The following NAALADL2 variants were observed in gnomAD, a reference collection of about 807,000 sequenced individuals.
NAALADL2 encodes N-acetylated alpha-linked acidic dipeptidase like 2.
A neutral mutation model predicts 87.2 loss-of-function variants in NAALADL2; 76 were observed. That is an observed-to-expected ratio of 0.87 (90% CI 0.72 to 1.05). The LOEUF (loss-of-function observed/expected upper bound fraction) is 1.05. Ranked by LOEUF, NAALADL2 falls within the 50% of genes least tolerant of loss-of-function variation. The pLI, the probability that NAALADL2 is intolerant of heterozygous loss-of-function variation, is 0.00. For missense variants in NAALADL2, 1,089 were observed against 945.8 expected (o/e 1.15, Z -1.99); for synonymous variants, 354 against 331.0 (o/e 1.07, Z -0.75).
chr3:175,591,926 A>C (rs1721542467), intron 10 of NAALADL2, among the ~76,000 whole-genome samples: 1 of 151,710 alleles, frequency 6.6e-6, no homozygotes, highest in Admixed American at 6.6e-5. Flanking sequence ...CCTCAAGAGT[A>C]ATATAGTGGA....
Position 175,327,471 on chromosome 3 carries a change from C to G in NAALADL2, c.1090+3146C>G, listed in dbSNP as rs550438931. On this transcript the variant is annotated intron_variant, in intron 5 of 13. Transcript: ENST00000454872. ...CACCCTGCCTCAACTGTCTGCATTTCTACCATTTTTGTTTTTTTATATGTA... is the reference window on the plus strand; with the variant it reads ...CACCCTGCCTCAACTGTCTGCATTTGTACCATTTTTGTTTTTTTATATGTA... 1.4e-4 allele frequency among the ~76,000 whole-genome samples: 22 copies of G among 152,134 alleles called. 1 individual carries two copies. In the South Asian group the frequency reaches 3.9e-3, roughly 27 times the overall value.
chr3:175,333,662 G>A (rs969381633), intron 5 of NAALADL2, among the ~76,000 whole-genome samples: 1 of 152,010 alleles, frequency 6.6e-6, no homozygotes, highest in Admixed American at 6.5e-5. Flanking sequence ...GATATCAGAG[G>A]CTGTGGGTAG....
At chr3:175,114,738 T>C (rs1724808144) in intron 2 of NAALADL2, among the ~76,000 whole-genome samples, 1 of 151,586 alleles carries the variant, frequency 6.6e-6, no homozygotes, top group South Asian at 2.1e-4. Context: ...TTAGAAAATC[T>C]TAGAGTGAAA....
At chr3:174,818,625 C>G (rs986841480) in intron 3 of NAALADL2, among the ~76,000 whole-genome samples, 2 of 152,046 alleles carry the variant, frequency 1.3e-5, no homozygotes, top group African/African-American at 4.8e-5. Flanking sequence ...CATACTACAC[C>G]CTGGAATTTG....
chr3:175,383,273 A>C (rs1767994372), intron 5 of NAALADL2, among the ~76,000 whole-genome samples: 3 of 152,016 alleles, frequency 2.0e-5, no homozygotes, highest in Admixed American at 6.6e-5. Context: ...CAAACATTAG[A>C]TCTTATTCCT....
intron 5 of NAALADL2, among the ~76,000 whole-genome samples, chr3:175,360,237 TA>T (rs1764832354): frequency 6.6e-6 from 1 of 152,268 alleles, no homozygotes; most frequent in African/African-American, 2.4e-5. Context: ...TTCAATTTTC[TA>T]AAAGTTCCTA....
intron 4 of NAALADL2, among the ~76,000 whole-genome samples, chr3:175,283,459 A>T (rs977500293): frequency 1.3e-5 from 2 of 152,096 alleles, no homozygotes; most frequent in Non-Finnish European, 2.9e-5. Context: ...TGCATTTGGC[A>T]CTCATTTTAT....
chr3:174,593,892 G>A (rs1717629079), intron 2 of NAALADL2, among the ~76,000 whole-genome samples: 1 of 152,128 alleles, frequency 6.6e-6, no homozygotes, highest in East Asian at 1.9e-4. Context: ...TAACACTGAT[G>A]CTTAATGAAA....
chr3:175,041,232 T>G (rs559633332), intron 1 of NAALADL2, among the ~76,000 whole-genome samples: 1 of 152,258 alleles, frequency 6.6e-6, no homozygotes, highest in African/African-American at 2.4e-5. Context: ...TCAAGGTTCT[T>G]AAAAATATAT....
chr3:175,749,295 CAA>C (rs1746337134), intron 12 of NAALADL2, among the ~76,000 whole-genome samples: 1 of 151,792 alleles, frequency 6.6e-6, no homozygotes, highest in South Asian at 2.1e-4. Context: ...GATTGGGGAA[CAA>C]AGTTAATACC....
intron 1 of NAALADL2, among the ~76,000 whole-genome samples, chr3:175,094,674 G>T (rs564989603): frequency 7.9e-5 from 12 of 151,422 alleles, no homozygotes; most frequent in Non-Finnish European, 1.3e-4. Context: ...AGAGCCATGA[G>T]AATATTTAGT....
chr3:174,804,349 G>A (rs1181194520), intron 3 of NAALADL2, among the ~76,000 whole-genome samples: 1 of 152,184 alleles, frequency 6.6e-6, no homozygotes, highest in East Asian at 1.9e-4. Context: ...TTGCTTATCA[G>A]CTTAAGGAGA....
chr3:175,068,010 T>C (rs1714864847), intron 1 of NAALADL2, among the ~76,000 whole-genome samples: 1 of 152,124 alleles, frequency 6.6e-6, no homozygotes. Context: ...TACCACATGT[T>C]CTCATTTGTA....
intron 10 of NAALADL2, among the ~76,000 whole-genome samples, chr3:175,608,792 A>G (rs570293443): frequency 6.6e-6 from 1 of 152,294 alleles, no homozygotes; most frequent in Non-Finnish European, 1.5e-5. Flanking sequence ...CAAAGCATAA[A>G]TTGCTTCCGA....
At chr3:175,580,256 G>A (rs1425872363) in intron 10 of NAALADL2, among the ~76,000 whole-genome samples, 1 of 152,076 alleles carries the variant, frequency 6.6e-6, no homozygotes, top group Non-Finnish European at 1.5e-5. Flanking sequence ...GTGTGTGTGT[G>A]TGAATTTTAA....
chr3:174,773,779 C>T (rs1159500892), intron 3 of NAALADL2, among the ~76,000 whole-genome samples: 1 of 152,066 alleles, frequency 6.6e-6, no homozygotes, highest in Admixed American at 6.6e-5. Context: ...CCTTTGAGAG[C>T]CTCACGTTAG....
At chr3:174,469,591 G>A (rs1038663215) in intron 1 of NAALADL2, among the ~76,000 whole-genome samples, 1 of 152,016 alleles carries the variant, frequency 6.6e-6, no homozygotes, top group Non-Finnish European at 1.5e-5. Context: ...ACCAAGTCCA[G>A]TTAATTTTTT....
chr3:175,327,150 T>C lies in NAALADL2; in HGVS notation c.1090+2825T>C, dbSNP rs866666947. Among the ~76,000 whole-genome samples, 4 of 50,716 alleles carry C rather than the reference T, an allele frequency of 7.9e-5. No individual in the cohort carries two copies. The African/African-American group carries it at 1.3e-3, about 17-fold the overall frequency. 33.3% of individuals were successfully genotyped at this position (50,716 alleles called of 152,430 possible). On this transcript the variant is annotated intron_variant, in intron 5 of 13. Coordinates refer to ENST00000454872, the MANE Select transcript of NAALADL2 (RefSeq NM_207015.3). ...AGCTTTATCAACTGTCTACATTTCT[T>C]TTTTTTTTTTTTTTTTTTTTTCTGA...
Position 175,296,418 on chromosome 3 carries a change from G to A in NAALADL2, c.940-27757G>A, listed in dbSNP as rs531729532. Among the ~76,000 whole-genome samples the A allele has an allele frequency of 1.3e-4, 20 of 152,204 alleles. No individual in the cohort carries two copies. The East Asian group carries it at 2.9e-3, about 22-fold the overall frequency. ...CTGGGTTTCACCATAGACTTGCCAC[G>A]CTGGATCTCAAATAAGATGATCTTA... On this transcript the variant is annotated intron_variant, in intron 4 of 13. Coordinates refer to ENST00000454872, the MANE Select transcript of NAALADL2 (RefSeq NM_207015.3).
Sources: allele counts gnomAD v4.1 joint callset (sites outside exome capture counted in the v4.1 genomes callset), GRCh38; gene constraint gnomAD v4.1.1; transcripts MANE v1.5; gene names NCBI Gene and HGNC (gene_info 2026-07-23, HGNC 2026-07-21).